GALNTL6: variants seen among roughly 807,000 people sequenced by gnomAD.
GALNTL6 encodes polypeptide N-acetylgalactosaminyltransferase like 6.
In GALNTL6, 46 loss-of-function variants were observed where a neutral mutation model predicts 73.7. That is an observed-to-expected ratio of 0.62 (90% CI 0.49 to 0.80). The LOEUF is 0.80. Among genes scored for constraint, GALNTL6 ranks in the 30% least tolerant of loss-of-function variants. The pLI is 0.00. For missense variants in GALNTL6, 604 were observed against 755.0 expected (o/e 0.80, Z 2.34); for synonymous variants, 259 against 263.7 (o/e 0.98, Z 0.17).
At chr4:172,538,623 A>G (rs2110866770) in intron 5 of GALNTL6, among the ~76,000 whole-genome samples, 1 of 152,326 alleles carries the variant, frequency 6.6e-6, no homozygotes, top group South Asian at 2.1e-4. Flanking sequence ...AAGAATAGGT[A>G]TTTAATACCA....
intron 2 of GALNTL6, among the ~76,000 whole-genome samples, chr4:171,916,018 T>C (rs1737614509): frequency 1.3e-5 from 2 of 152,142 alleles, no homozygotes; most frequent in Admixed American, 6.6e-5. Flanking sequence ...TTTTAGAACA[T>C]AAATATGCTA....
chr4:172,710,356 A>G (rs2111322700), intron 5 of GALNTL6, among the ~76,000 whole-genome samples: 1 of 152,304 alleles, frequency 6.6e-6, no homozygotes, highest in East Asian at 1.9e-4. Flanking sequence ...TTTGAATTCT[A>G]TTTGTAATAA....
chr4:172,294,076 T>G (rs1334630920), intron 3 of GALNTL6, among the ~76,000 whole-genome samples: 1 of 151,640 alleles, frequency 6.6e-6, no homozygotes, highest in Non-Finnish European at 1.5e-5. Context: ...CTTCTTACAA[T>G]GCTACAAATA....
chr4:172,130,572 CTT>C (rs1298094760), intron 2 of GALNTL6, among the ~76,000 whole-genome samples: 2 of 151,916 alleles, frequency 1.3e-5, no homozygotes, highest in African/African-American at 2.4e-5. Flanking sequence ...TTAAAACAAA[CTT>C]AACAGAAAAT....
At chr4:172,934,816 C>T (rs896286367) in intron 9 of GALNTL6, among the ~76,000 whole-genome samples, 1 of 152,220 alleles carries the variant, frequency 6.6e-6, no homozygotes, top group Non-Finnish European at 1.5e-5. Flanking sequence ...CTGAGTGTCG[C>T]TTTGCACAGC....
At chr4:172,351,061 G>C (rs1041860963) in intron 5 of GALNTL6, among the ~76,000 whole-genome samples, 1 of 152,206 alleles carries the variant, frequency 6.6e-6, no homozygotes, top group African/African-American at 2.4e-5. Context: ...ATGGGAGAGC[G>C]ATTGCTCTCA....
chr4:172,832,602 G>T (rs1291971760), intron 7 of GALNTL6, among the ~76,000 whole-genome samples: 1 of 152,184 alleles, frequency 6.6e-6, no homozygotes, highest in East Asian at 1.9e-4. Context: ...AGAGCAGAAT[G>T]ACCTTGGGCC....
At chr4:171,851,026 G>T (rs1735509363) in intron 2 of GALNTL6, among the ~76,000 whole-genome samples, 1 of 152,096 alleles carries the variant, frequency 6.6e-6, no homozygotes, top group African/African-American at 2.4e-5. Flanking sequence ...GAGCAGAACT[G>T]GCATTTTAAT....
chr4:172,879,374 A>T (rs570188659), intron 7 of GALNTL6, among the ~76,000 whole-genome samples: 1 of 152,076 alleles, frequency 6.6e-6, no homozygotes, highest in South Asian at 2.1e-4. Context: ...CCATATTCTA[A>T]GCCATTAAAA....
intron 10 of GALNTL6, among the ~76,000 whole-genome samples, chr4:172,988,683 G>C (rs1751403513): frequency 6.6e-6 from 1 of 152,236 alleles, no homozygotes; most frequent in Non-Finnish European, 1.5e-5. Context: ...GGTTTCATGG[G>C]CCAGGCCCAG....
chr4:172,195,751 A>G (rs916996971), intron 2 of GALNTL6, among the ~76,000 whole-genome samples: 6 of 152,212 alleles, frequency 3.9e-5, no homozygotes, highest in Non-Finnish European at 8.8e-5. Context: ...TAGAACAAAG[A>G]AACAACATAC....
intron 2 of GALNTL6, among the ~76,000 whole-genome samples, chr4:172,152,875 G>C (rs983546301): frequency 6.6e-6 from 1 of 152,194 alleles, no homozygotes; most frequent in Non-Finnish European, 1.5e-5. Context: ...CTCCCAAAGT[G>C]CTGGGATTAC....
chr4:172,284,517 T>C (rs2111086286), intron 3 of GALNTL6, among the ~76,000 whole-genome samples: 1 of 151,944 alleles, frequency 6.6e-6, no homozygotes, highest in Non-Finnish European at 1.5e-5. Flanking sequence ...ACTGTTGTTT[T>C]TGTTGCTTGT....
chr4:172,598,716 G>A (rs747246541), intron 5 of GALNTL6, among the ~76,000 whole-genome samples: 4 of 152,068 alleles, frequency 2.6e-5, no homozygotes, highest in Non-Finnish European at 4.4e-5. Flanking sequence ...GAAACAGTCA[G>A]AAATGTTATG....
chr4:172,257,857 AT>A (rs1313781002), intron 3 of GALNTL6, among the ~76,000 whole-genome samples: 1 of 151,342 alleles, frequency 6.6e-6, no homozygotes, highest in Non-Finnish European at 1.5e-5. Context: ...ATTTAGTAAT[AT>A]ATGTACTGTT....
rs191481072 is a variant in GALNTL6, at chr4:172,458,989, G to T, written c.553+110300G>T. The stretch of plus-strand genomic sequence containing the variant: ...ATAAAATACTGGCAAACTAAATTCA[G>T]CAGCACATCAAAAAGCTTATCCACC... On this transcript the variant is annotated intron_variant, in intron 5 of 12. Transcript: ENST00000506823. 1.1e-4 allele frequency among the ~76,000 whole-genome samples: 16 copies of T among 152,246 alleles called. No homozygotes were observed. The East Asian group carries it at 2.5e-3, about 24-fold the overall frequency.
At chr4:171,985,943 CAGG>C (rs1419020374) in intron 2 of GALNTL6, among the ~76,000 whole-genome samples, 1 of 139,050 alleles carries the variant, frequency 7.2e-6, no homozygotes, top group African/African-American at 2.7e-5. Context: ...GAGGCTGAGG[CAGG>C]AGAATTGCTT....
intron 5 of GALNTL6, among the ~76,000 whole-genome samples, chr4:172,632,421 G>A (rs1378804967): frequency 6.6e-6 from 1 of 152,102 alleles, no homozygotes; most frequent in Non-Finnish European, 1.5e-5. Context: ...TGGAGATGAG[G>A]AACTTGCTGG....
intron 5 of GALNTL6, among the ~76,000 whole-genome samples, chr4:172,560,089 G>T (rs1449411535): frequency 6.6e-6 from 1 of 152,186 alleles, no homozygotes; most frequent in Non-Finnish European, 1.5e-5. Flanking sequence ...GAGTGAAGAT[G>T]AAGTCATTAA....
Sources: gnomAD v4.1 joint callset for allele counts (sites outside exome capture counted in the v4.1 genomes callset) on GRCh38, gnomAD v4.1.1 for gene constraint, MANE v1.5 for transcripts, NCBI Gene and HGNC (gene_info 2026-07-23, HGNC 2026-07-21) for gene names.